CLASP2: variants seen among roughly 807,000 people sequenced by gnomAD.
CLASP2 encodes CLIP-associating protein 2.
In CLASP2, 47 loss-of-function variants were observed where a neutral mutation model predicts 194.4. That is an observed-to-expected ratio of 0.24 (90% CI 0.19 to 0.31). The LOEUF is 0.31. Ranked by LOEUF, CLASP2 falls within the 10% of genes least tolerant of loss-of-function variation. CLASP2 has a pLI of 1.00. For missense variants in CLASP2, 1,445 were observed against 1,823.6 expected (o/e 0.79, Z 3.78); for synonymous variants, 619 against 633.5 (o/e 0.98, Z 0.34).
intron 23 of CLASP2, chr3:33,577,127 T>C (rs1313560352): frequency 8.6e-6 from 9 of 1,048,960 alleles, no homozygotes; most frequent in Admixed American, 2.6e-5. Context: ...AACATGAATA[T>C]TATTTAATGG....
In CLASP2 at chr3:33,584,820, T is replaced by A; in HGVS notation, c.2169A>T (p.Ala723=). The A allele has an allele frequency of 5.0e-6, 8 of 1,613,858 alleles. No homozygotes were observed. Among genetic ancestry groups the A allele is most frequent in the Non-Finnish European group, 6.8e-6 (8 of 1,179,856 alleles). The change falls in exon 22 of 39, where the codon GCA becomes GCT. Residue 723 remains alanine (A), a synonymous_variant. Coordinates refer to ENST00000682230, the MANE Select transcript of CLASP2 (RefSeq NM_001365631.1). ...TCCGTGGTATCTTGCTTCTTTTTTGTGCTGAGGCTGAATTGACCAGGACTC... is the reference window on the plus strand; with the variant it reads ...TCCGTGGTATCTTGCTTCTTTTTTGAGCTGAGGCTGAATTGACCAGGACTC... ...VQRVLVNSAS[A]QKRSKIPRSQ...
chr3:33,531,676 G>A (rs1056926703), intron 34 of CLASP2, among the ~76,000 whole-genome samples: 11 of 152,214 alleles, frequency 7.2e-5, no homozygotes, highest in African/African-American at 2.7e-4. Flanking sequence ...TCAGCAGGCT[G>A]AGGCAGGAGA....
At chr3:33,547,756 C>A (rs1034512278) in intron 30 of CLASP2, among the ~76,000 whole-genome samples, 1 of 151,482 alleles carries the variant, frequency 6.6e-6, no homozygotes, top group Admixed American at 6.6e-5. Flanking sequence ...GCCATCTGAG[C>A]CTGGGCTTTT....
chr3:33,554,359 CG>C (rs2060557787), intron 29 of CLASP2, among the ~76,000 whole-genome samples: 1 of 151,816 alleles, frequency 6.6e-6, no homozygotes, highest in East Asian at 1.9e-4. Context: ...TTTGTGATAA[CG>C]AAGATGAACC....
At chr3:33,544,602 A>G (rs1451725885) in intron 31 of CLASP2, 96 bp downstream of exon 31, 1 of 1,140,308 alleles carries the variant, frequency 8.8e-7, no homozygotes, top group Non-Finnish European at 1.2e-6. Context: ...CAAAAATTAT[A>G]TATTAAGGAT....
chr3:33,540,131 T>A (rs750426825), intron 32 of CLASP2, among the ~76,000 whole-genome samples: 1 of 151,996 alleles, frequency 6.6e-6, no homozygotes, highest in Non-Finnish European at 1.5e-5. Flanking sequence ...GGTTTCACCA[T>A]GTTGACTAGG....
rs764414007 is a variant in CLASP2 at position 33,622,189 on chromosome 3, A to T, written c.1127T>A (p.Leu376His). ...HLRLLDGALKLSAKDLRSQVV... is the reference protein window; with the variant it reads ...HLRLLDGALKHSAKDLRSQVV... ...CTGGGATCTAAGATCCTTAGCTGAA[A>T]GTTTAAGTGCTCCATCCAACAATCG... Residue 376 changes from leucine to histidine, a missense_variant, in exon 11 of 39, where the codon CTT becomes CAT. Physicochemically the swap from Leu to His is moderately conservative, Grantham distance 99 (BLOSUM62 -3). Transcript: ENST00000682230. 6.2e-7 allele frequency: 1 copy of T among 1,604,918 alleles called. No homozygotes were observed. Among genetic ancestry groups the T allele is most frequent in the Non-Finnish European group, 8.5e-7 (1 of 1,175,680 alleles).
At chr3:33,535,967 G>A (rs1197154179) in intron 33 of CLASP2, among the ~76,000 whole-genome samples, 1 of 151,650 alleles carries the variant, frequency 6.6e-6, no homozygotes, top group East Asian at 1.9e-4. Flanking sequence ...CATAACTTTT[G>A]GAAGGATGCC....
chr3:33,565,325 A>C (rs1270841763), intron 27 of CLASP2, among the ~76,000 whole-genome samples: 2 of 151,940 alleles, frequency 1.3e-5, no homozygotes, highest in African/African-American at 4.8e-5. Context: ...ATTACAGGCC[A>C]GCGCCACCAC....
chr3:33,588,510 T>G (rs2067927543), intron 21 of CLASP2, among the ~76,000 whole-genome samples: 1 of 152,196 alleles, frequency 6.6e-6, no homozygotes, highest in Non-Finnish European at 1.5e-5. Context: ...TATTAACTTG[T>G]GTCATTTAAA....
intron 23 of CLASP2, among the ~76,000 whole-genome samples, chr3:33,576,718 A>G (rs1235398543): frequency 6.6e-6 from 1 of 152,166 alleles, no homozygotes; most frequent in African/African-American, 2.4e-5. Context: ...TCTAATTATT[A>G]TCTCCTCTCC....
intron 11 of CLASP2, among the ~76,000 whole-genome samples, chr3:33,621,730 G>A (rs987950798): frequency 6.6e-6 from 1 of 152,124 alleles, no homozygotes; most frequent in Non-Finnish European, 1.5e-5. Context: ...CAAACTTAAA[G>A]TTTAGGTTTT....
chr3:33,572,020 C>T (rs1416025636), intron 25 of CLASP2, among the ~76,000 whole-genome samples: 1 of 152,106 alleles, frequency 6.6e-6, no homozygotes, highest in Non-Finnish European at 1.5e-5. Context: ...TATGGCATTC[C>T]CAATACATGA....
intron 28 of CLASP2, among the ~76,000 whole-genome samples, 163 bp downstream of exon 28, chr3:33,560,645 T>A (rs966906972): frequency 1.3e-5 from 2 of 152,210 alleles, no homozygotes; most frequent in African/African-American, 2.4e-5. Flanking sequence ...GGAAAAATGT[T>A]GCTTTAAATA....
Position 33,606,762 on chromosome 3 carries a change from T to A in CLASP2, c.1527-4A>T. ...GTTTCTAAGACCCATGTATGTCCTG[T>A]TAAAAAAAAAGAAAAGCAGATGAAG... is the stretch of plus-strand genomic sequence containing the variant. On this transcript the variant is annotated splice_polypyrimidine_tract_variant and splice_region_variant and intron_variant, in intron 15 of 38. Coordinates refer to ENST00000682230, the MANE Select transcript of CLASP2 (RefSeq NM_001365631.1). The A allele has an allele frequency of 6.3e-7, 1 of 1,586,978 alleles. No homozygotes were observed. The highest frequency in any genetic ancestry group is 8.6e-7 in the Non-Finnish European group (1 of 1,169,382).
At chr3:33,501,890 C>A in intron 37 of CLASP2, 122 bp from the exon 38 acceptor site, 1 of 660,620 alleles carries the variant, frequency 1.5e-6, no homozygotes. Context: ...GAGAAAAGTG[C>A]AGATCAAAGT....
intron 23 of CLASP2, among the ~76,000 whole-genome samples, chr3:33,577,609 A>C (rs1576672113): frequency 6.6e-6 from 1 of 152,308 alleles, no homozygotes; most frequent in South Asian, 2.1e-4. Context: ...TATCTCCTTT[A>C]ATCCTGACAT....
rs1329525558 is a variant in CLASP2, at chr3:33,613,524, T to C, written c.1318-1453A>G. Among the ~76,000 whole-genome samples, 5 of 152,350 alleles carry C rather than the reference T, an allele frequency of 3.3e-5. No individual in the cohort carries two copies. The East Asian group carries it at 9.6e-4, about 29-fold the overall frequency. ...GTCTTTCATTGAAGGAAAGTGCATA[T>C]GGCACATCAGTGTTTGCCACAGCTA... On this transcript the variant is annotated intron_variant, in intron 12 of 38. Transcript: ENST00000682230.
intron 25 of CLASP2, among the ~76,000 whole-genome samples, chr3:33,571,014 A>ATTTTTTTTT (rs1276472825): frequency 7.8e-6 from 1 of 127,744 alleles, no homozygotes; most frequent in Non-Finnish European, 1.7e-5. Flanking sequence ...TGTCTCTATA[A>ATTTTTTTTT]ATTTTTTTTT....
Sources: gnomAD v4.1 joint callset for allele counts (sites outside exome capture counted in the v4.1 genomes callset) on GRCh38, gnomAD v4.1.1 for gene constraint, MANE v1.5 for transcripts, NCBI Gene and HGNC (gene_info 2026-07-23, HGNC 2026-07-21) for gene names.